PLCH1: variants seen among roughly 807,000 people sequenced by gnomAD.
The protein encoded by PLCH1 is phospholipase C eta 1, also known as 1-phosphatidylinositol 4,5-bisphosphate phosphodiesterase eta-1.
In PLCH1, 60 loss-of-function variants were observed where a neutral mutation model predicts 126.7. The observed-to-expected ratio is 0.47, with a 90% CI of 0.38 to 0.59. The LOEUF is 0.59. PLCH1 is among the 20% of genes least tolerant of loss of function. The probability of loss-of-function intolerance (pLI) is 0.00; values close to 1 mark genes in which losing one functional copy is unlikely to be tolerated. For missense variants in PLCH1, 1,723 were observed against 2,040.0 expected, an observed-to-expected ratio of 0.84 and a Z score of 2.99; for synonymous variants, 719 against 734.9, an observed-to-expected ratio of 0.98 and a Z score of 0.35.
At position 155,700,011 on chromosome 3, in the gene PLCH1, C is replaced by T. The variant is rs577086267; in HGVS notation, c.79+4135G>A. The stretch of plus-strand genomic sequence containing the variant: ...GAAGAACACTTCCATCTATCATACA[C>T]CTATCTTGATGTTTGACTACACAGA... On this transcript the variant is annotated intron_variant, in intron 2 of 22. Coordinates refer to ENST00000460012, the MANE Select transcript of PLCH1 (RefSeq NM_014996.4). Among the ~76,000 whole-genome samples the T allele has an allele frequency of 3.0e-4, 45 of 152,312 alleles. 1 individual carries two copies. Among genetic ancestry groups the T allele is most frequent in the East Asian group, 1.2e-3 (6 of 5,182 alleles).
chr3:155,575,310 G>C (rs753989741), intron 6 of PLCH1, among the ~76,000 whole-genome samples: 10 of 152,118 alleles, frequency 6.6e-5, no homozygotes, highest in Non-Finnish European at 1.2e-4. Flanking sequence ...AGAATGATTA[G>C]AATGACCATA....
intron 19 of PLCH1, among the ~76,000 whole-genome samples, chr3:155,489,805 GT>G (rs1560059706): frequency 6.6e-6 from 1 of 152,158 alleles, no homozygotes; most frequent in African/African-American, 2.4e-5. Context: ...GAAAATAAGT[GT>G]TTAAAAATGT....
rs1346008181 is a variant in PLCH1, at chr3:155,482,484, T to C, written c.3542A>G (p.Glu1181Gly). Residue 1181 changes from glutamate (E) to glycine (G), a missense_variant, in exon 23 of 23, where the codon GAG (glutamate) becomes GGG (glycine). By Grantham distance (98) the Glu-to-Gly change is moderately conservative. Coordinates refer to ENST00000460012, the MANE Select transcript of PLCH1 (RefSeq NM_014996.4). ...HLIDNVTLTN[E>G]NEPGSSISAL... ...TGAGATGGAACTGCCCGGCTCATTC[T>C]CATTTGTTAAAGTGACATTGTCAAT... The C allele has an allele frequency of 3.1e-6, 5 of 1,614,030 alleles. No homozygotes were observed. In the Admixed American group the frequency reaches 5.0e-5, roughly 16 times the overall value.
chr3:155,469,277 T>A (rs1713063905), intron 21 of PLCH1, among the ~76,000 whole-genome samples: 1 of 152,088 alleles, frequency 6.6e-6, no homozygotes, highest in Non-Finnish European at 1.5e-5. Context: ...GCGCAAGGGG[T>A]CAGGGAGTGC....
intron 21 of PLCH1, among the ~76,000 whole-genome samples, chr3:155,454,323 A>G (rs1712386686): frequency 6.6e-6 from 1 of 152,042 alleles, no homozygotes; most frequent in Non-Finnish European, 1.5e-5. Context: ...ACATGACAAA[A>G]CAGCATCTCA....
chr3:155,685,159 C>T (rs1744839678), intron 2 of PLCH1, among the ~76,000 whole-genome samples: 1 of 152,238 alleles, frequency 6.6e-6, no homozygotes, highest in Admixed American at 6.5e-5. Context: ...TGTCGGAAGA[C>T]ACTGGGCATA....
chr3:155,730,745 T>C (rs1234162257), intron 1 of PLCH1, among the ~76,000 whole-genome samples: 1 of 152,156 alleles, frequency 6.6e-6, no homozygotes, highest in Admixed American at 6.5e-5. Context: ...TCATAGCACC[T>C]AAGGGTAGCA....
In PLCH1 at chr3:155,488,473, A is replaced by C. The variant is rs371145356; in HGVS notation, c.2539+187T>G. ...CGGCCTCCCAGAGTGCTGGGATTAC[A>C]GGTGTGAGCCACTGCACCCAGCCCA... On this transcript the variant is annotated intron_variant, in intron 20 of 22. Coordinates refer to ENST00000460012, the MANE Select transcript of PLCH1 (RefSeq NM_014996.4). Among the ~76,000 whole-genome samples, 12 of 152,306 alleles carry C rather than the reference A, an allele frequency of 7.9e-5. No individual in the cohort carries two copies. In the East Asian group the frequency reaches 2.3e-3, roughly 29 times the overall value.
At chr3:155,639,600 A>G (rs1739159069) in intron 2 of PLCH1, among the ~76,000 whole-genome samples, 1 of 152,188 alleles carries the variant, frequency 6.6e-6, no homozygotes, top group African/African-American at 2.4e-5. Context: ...GGGAGCAACA[A>G]AAGGTTGACT....
At chr3:155,519,677 A>G (rs1269855499) in intron 11 of PLCH1, among the ~76,000 whole-genome samples, 3 of 151,488 alleles carry the variant, frequency 2.0e-5, no homozygotes, top group Admixed American at 2.0e-4. Context: ...GCCAAGACCC[A>G]GACACTGCGG....
At chr3:155,542,730 G>A (rs1329142064) in intron 10 of PLCH1, among the ~76,000 whole-genome samples, 4 of 152,194 alleles carry the variant, frequency 2.6e-5, no homozygotes, top group Admixed American at 1.3e-4. Context: ...TGCGGTTCAC[G>A]AAAATCTGCT....
At chr3:155,496,897 T>C (rs1388274653) in intron 15 of PLCH1, among the ~76,000 whole-genome samples, 2 of 152,220 alleles carry the variant, frequency 1.3e-5, no homozygotes, top group Non-Finnish European at 2.9e-5. Flanking sequence ...GTCAAAACTT[T>C]CATTGAGAAA....
intron 2 of PLCH1, among the ~76,000 whole-genome samples, chr3:155,690,629 C>G (rs1850849): frequency 0.22 from 33,957 of 151,946 alleles, 4,258 homozygotes; most frequent in African/African-American, 0.35. Flanking sequence ...ATCTGAGTAT[C>G]AGGATACTGC....
intron 2 of PLCH1, among the ~76,000 whole-genome samples, chr3:155,659,929 C>T (rs1249675813): frequency 6.6e-6 from 1 of 152,184 alleles, no homozygotes; most frequent in Non-Finnish European, 1.5e-5. Flanking sequence ...CCACCACGCC[C>T]AGCTGTCTAT....
At chr3:155,461,560 A>G (rs1249676685) in intron 21 of PLCH1, among the ~76,000 whole-genome samples, 1 of 152,236 alleles carries the variant, frequency 6.6e-6, no homozygotes, top group Non-Finnish European at 1.5e-5. Context: ...AGACCTTCAG[A>G]TCACCTACCT....
Position 155,596,280 on chromosome 3 carries a change from G to A in PLCH1, c.178C>T (p.Arg60Trp), listed in dbSNP as rs756953423. 101 of 1,613,200 alleles carry A rather than the reference G, an allele frequency of 6.3e-5. No homozygotes were observed. The highest frequency in any genetic ancestry group is 4.8e-4 in the Admixed American group (29 of 59,956). The change falls in exon 3 of 23, where the codon CGG becomes TGG. Residue 60 changes from arginine to tryptophan, a missense_variant. Physicochemically the swap from Arg to Trp is moderately radical, Grantham distance 101. Transcript: ENST00000460012. The stretch of plus-strand genomic sequence containing the variant: ...GAGGGTCGCCATCGGAGGCGTGTCC[G>A]GTGCTCATCCAGGTAAAAGAGGCGG... Reference protein sequence around the residue: ...LVRLFYLDEHRTRLRWRPSRK... With the variant: ...LVRLFYLDEHWTRLRWRPSRK...
At chr3:155,474,098 C>A (rs1225871017) in intron 21 of PLCH1, among the ~76,000 whole-genome samples, 1 of 152,100 alleles carries the variant, frequency 6.6e-6, no homozygotes, top group African/African-American at 2.4e-5. Context: ...AACTAAAGAG[C>A]TTCTGCACAG....
At chr3:155,729,215 A>G (rs1748572808) in intron 1 of PLCH1, among the ~76,000 whole-genome samples, 1 of 152,074 alleles carries the variant, frequency 6.6e-6, no homozygotes, top group Admixed American at 6.6e-5. Context: ...TTCTCCATCC[A>G]CCAGTGAGTG....
chr3:155,735,451 T>C (rs9854237), intron 1 of PLCH1, among the ~76,000 whole-genome samples: 30,724 of 151,858 alleles, frequency 0.2, 3,210 homozygotes, highest in South Asian at 0.26. Flanking sequence ...CTGGCCAACA[T>C]AGTGAAACCC....
Sources: allele counts gnomAD v4.1 joint callset (sites outside exome capture counted in the v4.1 genomes callset), GRCh38; gene constraint gnomAD v4.1.1; transcripts MANE v1.5; gene names NCBI Gene and HGNC (gene_info 2026-07-23, HGNC 2026-07-21).